CELF2: variants seen among roughly 807,000 people sequenced by gnomAD.
The protein encoded by CELF2 is CUGBP Elav-like family member 2.
A neutral mutation model predicts 62.6 loss-of-function variants in CELF2; 8 were observed. The ratio of observed to expected loss-of-function variants is 0.13; its 90% CI spans 0.07 to 0.23. The LOEUF (loss-of-function observed/expected upper bound fraction) is 0.23, where lower values mean the gene tolerates loss of function less well. Ranked by LOEUF, CELF2 falls within the 10% of genes least tolerant of loss-of-function variation. CELF2 has a pLI of 1.00. For missense variants in CELF2, 333 were observed against 671.0 expected, an observed-to-expected ratio of 0.50 and a Z score of 5.56; for synonymous variants, 258 against 250.0, an observed-to-expected ratio of 1.03 and a Z score of -0.30.
chr10:11,068,885 A>G (rs2068904106), intron 1 of CELF2, among the ~76,000 whole-genome samples: 1 of 152,218 alleles, frequency 6.6e-6, no homozygotes, highest in Non-Finnish European at 1.5e-5. Context: ...AGGCAAAAAA[A>G]CAACTCATTC....
At chr10:10,581,359 C>A in the CELF2 span, among the ~76,000 whole-genome samples, 1 of 152,110 alleles carries the variant, frequency 6.6e-6, no homozygotes, top group Admixed American at 6.6e-5. Flanking sequence ...GATTTTGATC[C>A]ATTTTGCTTT....
chr10:11,184,239 C>A (rs930337051), intron 2 of CELF2, among the ~76,000 whole-genome samples: 1 of 152,192 alleles, frequency 6.6e-6, no homozygotes, highest in Non-Finnish European at 1.5e-5. Context: ...ACAGTCTGAC[C>A]TGCTCCAGTG....
the CELF2 span, among the ~76,000 whole-genome samples, chr10:10,787,402 C>T: frequency 6.6e-6 from 1 of 152,110 alleles, no homozygotes; most frequent in Admixed American, 6.5e-5. Context: ...AAAAACAGAA[C>T]ATACTTAGAG....
At chr10:10,796,846 G>T (rs932827478), upstream of CELF2, 11 of 978,702 alleles carry the variant, frequency 1.1e-5, no homozygotes, top group Non-Finnish European at 1.2e-5. Context: ...TTCACAGTGG[G>T]ATAACACAGC....
At chr10:10,547,679 G>GAA in the CELF2 span, among the ~76,000 whole-genome samples, 1 of 131,406 alleles carries the variant, frequency 7.6e-6, no homozygotes, top group Non-Finnish European at 1.7e-5. Context: ...AAGATAGAGA[G>GAA]AGAGAGAGAG....
intron 1 of CELF2, among the ~76,000 whole-genome samples, chr10:11,038,063 TAA>T (rs1428521913): frequency 2.0e-5 from 3 of 152,182 alleles, no homozygotes; most frequent in Non-Finnish European, 2.9e-5. Context: ...GTAGCCATGT[TAA>T]GTTATAAACC....
intron 3 of CELF2, among the ~76,000 whole-genome samples, chr10:11,248,881 G>A (rs1045068908): frequency 2.6e-5 from 4 of 152,180 alleles, no homozygotes; most frequent in African/African-American, 7.2e-5. Context: ...AAATCATATC[G>A]AGTGGCAGAA....
chr10:11,124,425 G>A (rs2058322470), intron 1 of CELF2, among the ~76,000 whole-genome samples: 1 of 152,162 alleles, frequency 6.6e-6, no homozygotes, highest in Admixed American at 6.5e-5. Context: ...ATGGAAATGG[G>A]ATGGGATAAA....
intron 1 of CELF2, among the ~76,000 whole-genome samples, chr10:10,808,886 A>G (rs2055531197): frequency 6.6e-6 from 1 of 152,164 alleles, no homozygotes; most frequent in African/African-American, 2.4e-5. Flanking sequence ...AACCAAACCA[A>G]ACTAGGTTTG....
At chr10:10,631,265 G>A in the CELF2 span, among the ~76,000 whole-genome samples, 2 of 152,076 alleles carry the variant, frequency 1.3e-5, no homozygotes, top group South Asian at 4.1e-4. Flanking sequence ...AACTAAACCA[G>A]GGCTAAAGAA....
rs1470251879 is a variant in CELF2 at position 11,217,802 on chromosome 10, A to C, written c.354+295A>C. ...GAGTATTGGGTGGGCTAAGATTTTA[A>C]AAGGAAAAAAAAACCCAACACACAC... is the stretch of plus-strand genomic sequence containing the variant. On this transcript the variant is annotated intron_variant, in intron 3 of 12. Transcript: ENST00000633077. This position sits in a 1 kb window ranked among gnomAD's most constrained non-coding sequence, Gnocchi z 5.6. Among the ~76,000 whole-genome samples, 1 of 152,244 alleles carries C rather than the reference A, an allele frequency of 6.6e-6. No individual in the cohort carries two copies. Among genetic ancestry groups the C allele is most frequent in the Non-Finnish European group, 1.5e-5 (1 of 68,036 alleles).
chr10:11,288,302 G>A, intron 8 of CELF2, 116 bp from the exon 9 acceptor site: 1 of 1,326,226 alleles, frequency 7.5e-7, no homozygotes, highest in Non-Finnish European at 1.0e-6. Context: ...AGGTGACCTT[G>A]CACAGGGTCG....
At chr10:10,589,584 C>CAATTTT in the CELF2 span, among the ~76,000 whole-genome samples, 4 of 152,106 alleles carry the variant, frequency 2.6e-5, no homozygotes, top group African/African-American at 9.7e-5. Flanking sequence ...GTGCTGTTAA[C>CAATTTT]CCCATTTGAG....
intron 1 of CELF2, among the ~76,000 whole-genome samples, chr10:11,146,272 C>A (rs905106098): frequency 6.6e-6 from 1 of 152,156 alleles, no homozygotes; most frequent in Non-Finnish European, 1.5e-5. Context: ...CAGTATTTTC[C>A]ACATGTTCAT....
chr10:10,900,506 C>T (rs188210042), intron 1 of CELF2, among the ~76,000 whole-genome samples: 1 of 152,060 alleles, frequency 6.6e-6, no homozygotes, highest in Non-Finnish European at 1.5e-5. Context: ...CAAAACTCTA[C>T]ATTCATTCTT....
the CELF2 span, among the ~76,000 whole-genome samples, chr10:10,701,566 A>G: frequency 6.6e-6 from 1 of 152,220 alleles, no homozygotes; most frequent in Non-Finnish European, 1.5e-5. Context: ...TCCAGGTTTC[A>G]CAGGAAGTGC....
chr10:11,294,683 C>T (rs1436093823), intron 9 of CELF2, among the ~76,000 whole-genome samples: 2 of 152,072 alleles, frequency 1.3e-5, no homozygotes, highest in Non-Finnish European at 2.9e-5. Context: ...GAGGCCGAGG[C>T]GGGTGGATCA....
At chr10:11,195,608 G>A (rs1013749184) in intron 2 of CELF2, among the ~76,000 whole-genome samples, 2 of 152,200 alleles carry the variant, frequency 1.3e-5, no homozygotes, top group African/African-American at 4.8e-5. Context: ...GAATTAGAAG[G>A]AAGATTATTT....
chr10:10,643,439 C>T, the CELF2 span, among the ~76,000 whole-genome samples: 1 of 152,146 alleles, frequency 6.6e-6, no homozygotes. Context: ...GACTTTGCTC[C>T]ACCTTTGCCT....
Sources: gnomAD v4.1 joint callset for allele counts (sites outside exome capture counted in the v4.1 genomes callset) on GRCh38, gnomAD v4.1.1 for gene constraint, Gnocchi (gnomAD v3.1) non-coding constraint, MANE v1.5 for transcripts, NCBI Gene and HGNC (gene_info 2026-07-23, HGNC 2026-07-21) for gene names.